PTPRQ: variants seen among roughly 807,000 people sequenced by gnomAD.
PTPRQ encodes the protein protein tyrosine phosphatase receptor type Q.
PTPRQ carries 199 observed loss-of-function variants against 246.0 expected under a neutral mutation model. The ratio of observed to expected loss-of-function variants is 0.81; its 90% CI spans 0.72 to 0.91. PTPRQ has a LOEUF of 0.91. Ranked by LOEUF, PTPRQ falls within the 40% of genes least tolerant of loss-of-function variation. The probability of loss-of-function intolerance (pLI) is 0.00; values close to 1 mark genes in which losing one functional copy is unlikely to be tolerated. For missense variants in PTPRQ, 2,624 were observed against 2,528.4 expected (o/e 1.04, Z -0.81); for synonymous variants, 869 against 853.2 (o/e 1.02, Z -0.32).
At chr12:80,544,814 A>G (rs1356855564) in intron 23 of PTPRQ, among the ~76,000 whole-genome samples, 1 of 151,920 alleles carries the variant, frequency 6.6e-6, no homozygotes, top group Non-Finnish European at 1.5e-5. Context: ...CTTCTTTTAA[A>G]TTATGTGTGC....
chr12:80,566,472 C>T (rs571716360), intron 25 of PTPRQ, among the ~76,000 whole-genome samples: 1 of 150,586 alleles, frequency 6.6e-6, no homozygotes, highest in Non-Finnish European at 1.5e-5. Flanking sequence ...AGCGAGACTC[C>T]ATCTCAAAAA....
chr12:80,509,945 C>T (rs533867804), intron 16 of PTPRQ, among the ~76,000 whole-genome samples: 1 of 152,074 alleles, frequency 6.6e-6, no homozygotes, highest in East Asian at 1.9e-4. Flanking sequence ...TTTTTCCCAC[C>T]TCTTTTTTAT....
chr12:80,584,714 T>C (rs1391663379), intron 25 of PTPRQ, among the ~76,000 whole-genome samples: 2 of 152,162 alleles, frequency 1.3e-5, no homozygotes, highest in African/African-American at 2.4e-5. Flanking sequence ...ATGTGCCATC[T>C]CTTCTCTAAA....
At chr12:80,495,883 C>T (rs973056264) in intron 12 of PTPRQ, 116 bp from the exon 13 acceptor site, 35 of 1,225,500 alleles carry the variant, frequency 2.9e-5, no homozygotes, top group East Asian at 2.1e-4. Context: ...TATTTGGAAG[C>T]GATATAGATA....
intron 39 of PTPRQ, among the ~76,000 whole-genome samples, chr12:80,668,021 A>C (rs751612741): frequency 1.2e-4 from 18 of 152,086 alleles, no homozygotes; most frequent in Non-Finnish European, 1.9e-4. Flanking sequence ...TACATTTTAG[A>C]GTCCCTGGAA....
chr12:80,534,733 A>G (rs1353987752), intron 18 of PTPRQ, among the ~76,000 whole-genome samples, 159 bp from the exon 19 acceptor site: 1 of 151,980 alleles, frequency 6.6e-6, no homozygotes, highest in African/African-American at 2.4e-5. Flanking sequence ...GGGTGACCCA[A>G]TGTGTTTTAT....
intron 39 of PTPRQ, among the ~76,000 whole-genome samples, chr12:80,665,603 G>A (rs1195773948): frequency 6.6e-6 from 1 of 151,876 alleles, no homozygotes; most frequent in African/African-American, 2.4e-5. Flanking sequence ...ATACAAATGG[G>A]ATTATATCAA....
intron 29 of PTPRQ, 89 bp downstream of exon 29, chr12:80,613,925 T>A (rs983325354): frequency 7.4e-7 from 1 of 1,344,104 alleles, no homozygotes; most frequent in Non-Finnish European, 9.6e-7. Flanking sequence ...TGTGTACACA[T>A]GACATTTCCC....
chr12:80,540,216 T>A (rs985962920), intron 20 of PTPRQ, among the ~76,000 whole-genome samples: 1 of 152,068 alleles, frequency 6.6e-6, no homozygotes, highest in Non-Finnish European at 1.5e-5. Context: ...CAAAAAGTAC[T>A]GCATACATGG....
intron 17 of PTPRQ, among the ~76,000 whole-genome samples, chr12:80,521,923 G>A (rs1455176056): frequency 1.3e-5 from 2 of 152,150 alleles, no homozygotes; most frequent in Non-Finnish European, 2.9e-5. Flanking sequence ...GCTTGATGGG[G>A]ATGGCATAGA....
rs1200509065 is a variant in PTPRQ, at chr12:80,605,098, C to T, written c.4649C>T (p.Thr1550Ile). ...GPPENVHVVA[T>I]SPFSISISWS... is the part of the protein sequence containing the mutation. The stretch of plus-strand genomic sequence containing the variant: ...CCTGAAAATGTTCATGTAGTAGCAA[C>T]ATCACCTTTTAGCATCAGCATAAGC... The change falls in exon 27 of 45, where the codon ACA (threonine) becomes ATA (isoleucine). Residue 1550 changes from threonine to isoleucine, a missense_variant. Coordinates refer to ENST00000644991, the MANE Select transcript of PTPRQ (RefSeq NM_001145026.2). 3 of 1,544,992 alleles carry T rather than the reference C, an allele frequency of 1.9e-6. No homozygotes were observed. Among genetic ancestry groups the T allele is most frequent in the Non-Finnish European group, 2.6e-6 (3 of 1,143,062 alleles).
chr12:80,551,076 A>G (rs948005569), intron 25 of PTPRQ, among the ~76,000 whole-genome samples: 2 of 151,958 alleles, frequency 1.3e-5, no homozygotes, highest in Non-Finnish European at 2.9e-5. Flanking sequence ...TACCCCATCA[A>G]TTTATTCTAA....
rs777839655 is a variant in PTPRQ at position 80,670,422 on chromosome 12, C to T, written c.6532C>T (p.Leu2178=). The part of the protein sequence containing the change: ...EHGVPENSAP[L]IHFVKLVRAS... ...TGGGGTTCCTGAGAACAGCGCCCCT[C>T]TAATTCACTTTGTGAAGTTGGTTCG... is the stretch of plus-strand genomic sequence containing the variant. The change falls in exon 42 of 45, where the codon CTA becomes TTA. Residue 2178 remains leucine, a synonymous_variant. Transcript: ENST00000644991. The T allele has an allele frequency of 9.7e-6, 15 of 1,551,134 alleles. No homozygotes were observed. Among genetic ancestry groups the T allele is most frequent in the Admixed American group, 2.0e-5 (1 of 50,936 alleles).
chr12:80,508,895 A>T (rs1407314003), intron 16 of PTPRQ, among the ~76,000 whole-genome samples: 3 of 152,090 alleles, frequency 2.0e-5, no homozygotes, highest in African/African-American at 7.2e-5. Context: ...ATCTTAAAGC[A>T]TATTATAGAG....
chr12:80,625,596 G>T (rs1899172483), intron 33 of PTPRQ, among the ~76,000 whole-genome samples: 1 of 152,058 alleles, frequency 6.6e-6, no homozygotes, highest in Non-Finnish European at 1.5e-5. Context: ...TCTTAAAAAT[G>T]TTTAAGTTTA....
chr12:80,490,595 T>C (rs543606814), intron 9 of PTPRQ, among the ~76,000 whole-genome samples: 3 of 151,950 alleles, frequency 2.0e-5, no homozygotes, highest in African/African-American at 7.2e-5. Flanking sequence ...TTTGAAGACA[T>C]GTTCATTGTC....
At chr12:80,535,195 A>G (rs568513254) in intron 19 of PTPRQ, among the ~76,000 whole-genome samples, 158 bp downstream of exon 19, 72 of 147,476 alleles carry the variant, frequency 4.9e-4, no homozygotes, top group African/African-American at 1.7e-3. Context: ...TGCGGTGTAG[A>G]AATGTCAGAT....
At chr12:80,587,095 G>A (rs762990552) in intron 25 of PTPRQ, among the ~76,000 whole-genome samples, 5 of 151,934 alleles carry the variant, frequency 3.3e-5, no homozygotes, top group Non-Finnish European at 7.4e-5. Context: ...AATTTTCAGG[G>A]GCAGGAATTT....
intron 17 of PTPRQ, among the ~76,000 whole-genome samples, chr12:80,525,654 GTCTCTCTC>G (rs71816551): frequency 5.7e-4 from 84 of 147,380 alleles, no homozygotes; most frequent in African/African-American, 1.8e-3. Context: ...CTCTCTCTCT[GTCTCTCTC>G]TCTCTCTCTC....
Sources: gnomAD v4.1 joint callset for allele counts (sites outside exome capture counted in the v4.1 genomes callset) on GRCh38, gnomAD v4.1.1 for gene constraint, MANE v1.5 for transcripts, NCBI Gene and HGNC (gene_info 2026-07-23, HGNC 2026-07-21) for gene names.